Variants in ACBD5 observed in about 807,000 individuals in gnomAD.
ACBD5 encodes acyl-CoA binding domain containing 5.
In ACBD5, 40 loss-of-function variants were observed where a neutral mutation model predicts 71.8. That is an observed-to-expected ratio of 0.56 (90% CI 0.43 to 0.72). The LOEUF (loss-of-function observed/expected upper bound fraction) is 0.72. Among genes scored for constraint, ACBD5 ranks in the 30% least tolerant of loss-of-function variants. The pLI is 0.00. For synonymous variants in ACBD5, 229 were observed against 218.6 expected, an observed-to-expected ratio of 1.05 and a Z score of -0.42; for missense variants, 559 against 644.5, an observed-to-expected ratio of 0.87 and a Z score of 1.44.
chr10:27,211,053 C>A lies in ACBD5; in HGVS notation c.965G>T (p.Gly322Val), dbSNP rs370914625. The A allele has an allele frequency of 3.4e-5, 55 of 1,614,020 alleles. No homozygotes were observed. Among genetic ancestry groups the A allele is most frequent in the Non-Finnish European group, 3.9e-5 (46 of 1,180,050 alleles). Reference sequence around the variant, plus strand: ...ACCACCCAAGTAATACTGAAATGGTCCATTGTTGGACGTAAAGCTGTCTAA... The same window carrying A: ...ACCACCCAAGTAATACTGAAATGGTACATTGTTGGACGTAAAGCTGTCTAA... ...ESLDSFTSNN[G>V]PFQYYLGGHS... Residue 322 changes from glycine (G) to valine (V), a missense_variant, in exon 9 of 13, where the codon GGA (glycine) becomes GTA (valine). Transcript: ENST00000396271.
At chr10:27,205,116 G>T in intron 11 of ACBD5, 82 bp downstream of exon 11, 1 of 1,365,940 alleles carries the variant, frequency 7.3e-7, no homozygotes, top group South Asian at 1.2e-5. Flanking sequence ...AACAGAGCGA[G>T]ACTCCGTATC....
intron 8 of ACBD5, 149 bp from the exon 9 acceptor site, chr10:27,211,230 T>G (rs1210884452): frequency 2.4e-6 from 2 of 834,472 alleles, no homozygotes; most frequent in African/African-American, 3.4e-5. Context: ...ATGTCTTCAA[T>G]TCATATGCTG....
chr10:27,233,300 G>A (rs1031548956), intron 3 of ACBD5, among the ~76,000 whole-genome samples: 5 of 152,144 alleles, frequency 3.3e-5, no homozygotes, highest in South Asian at 2.1e-4. Flanking sequence ...GGTGGCACGC[G>A]CCTGTAATCC....
intron 13 of ACBD5, among the ~76,000 whole-genome samples, chr10:27,189,648 G>A (rs1041499984): frequency 1.3e-5 from 2 of 148,524 alleles, no homozygotes; most frequent in Non-Finnish European, 3.0e-5. Flanking sequence ...GATAGCATTA[G>A]GAGATATACC....
At chr10:27,223,831 G>T (rs1026608208) in intron 4 of ACBD5, among the ~76,000 whole-genome samples, 6 of 152,120 alleles carry the variant, frequency 3.9e-5, no homozygotes, top group Non-Finnish European at 7.4e-5. Flanking sequence ...GATTACATGA[G>T]CCTGGGAGGT....
In ACBD5 at chr10:27,195,548, C is replaced by A. The variant is rs946512281; in HGVS notation, c.*1882G>T. On this transcript the variant is annotated 3_prime_UTR_variant, in exon 13 of 13. Transcript: ENST00000396271. The stretch of plus-strand genomic sequence containing the variant: ...AGAGAAAAGACACTTTTTACTGATA[C>A]CAAATTGATATCTCATTTTTGAAAA... 2.2e-6 allele frequency: 1 copy of A among 451,338 alleles called. No individual in the cohort carries two copies. The highest frequency in any genetic ancestry group is 2.0e-5 in the African/African-American group (1 of 49,806). 28.0% of individuals were successfully genotyped at this position (451,338 alleles called of 1,614,324 possible).
At chr10:27,193,766 C>T (rs2059182279), downstream of ACBD5, among the ~76,000 whole-genome samples, 1 of 152,170 alleles carries the variant, frequency 6.6e-6, no homozygotes, top group Non-Finnish European at 1.5e-5. Flanking sequence ...GCCTGTCTAC[C>T]TAATGGCATT....
intron 13 of ACBD5, chr10:27,186,625 G>T: frequency 8.4e-7 from 1 of 1,185,606 alleles, no homozygotes; most frequent in Admixed American, 1.7e-5. Flanking sequence ...ATCTAAGGGG[G>T]AAAGATCATT....
At chr10:27,187,184 C>T (rs1449165599) in intron 13 of ACBD5, among the ~76,000 whole-genome samples, 1 of 152,086 alleles carries the variant, frequency 6.6e-6, no homozygotes, top group African/African-American at 2.4e-5. Flanking sequence ...CCTGTAGTCC[C>T]AGCTACTCTG....
Position 27,219,989 on chromosome 10 carries a change from T to C in ACBD5, c.491-132A>G, listed in dbSNP as rs551373219. ...AATTAAAATGTTATATATATAATAG[T>C]ATTATTTTCTTTGACTATAAACATA... On this transcript the variant is annotated intron_variant, in intron 5 of 12. Coordinates refer to ENST00000396271, the MANE Select transcript of ACBD5 (RefSeq NM_145698.5). The C allele has an allele frequency of 3.8e-4, 240 of 625,866 alleles. 3 individuals are homozygous for C. The highest frequency in any genetic ancestry group is 1.1e-4 in the Non-Finnish European group (50 of 444,610). 38.8% of individuals were successfully genotyped at this position (625,866 alleles called of 1,614,324 possible).
At chr10:27,230,796 C>CAAAAAAA (rs10625879) in intron 4 of ACBD5, among the ~76,000 whole-genome samples, 1 of 111,982 alleles carries the variant, frequency 8.9e-6, no homozygotes, top group African/African-American at 3.5e-5. Context: ...GACTCCATCT[C>CAAAAAAA]AAAAAAAAAA....
intron 4 of ACBD5, among the ~76,000 whole-genome samples, chr10:27,226,897 A>G (rs942849209): frequency 2.7e-5 from 4 of 149,850 alleles, no homozygotes; most frequent in Non-Finnish European, 3.0e-5. Context: ...CAAGAGATCC[A>G]CCCACCTCGG....
chr10:27,213,573 C>A (rs577093866), intron 8 of ACBD5, among the ~76,000 whole-genome samples: 1 of 152,150 alleles, frequency 6.6e-6, no homozygotes, highest in Non-Finnish European at 1.5e-5. Context: ...GCCTGACCAA[C>A]ATGGAGAAAC....
At chr10:27,214,782 A>AG (rs2061448351) in intron 8 of ACBD5, among the ~76,000 whole-genome samples, 3 of 152,210 alleles carry the variant, frequency 2.0e-5, no homozygotes, top group African/African-American at 7.2e-5. Flanking sequence ...TTGGTGGCTC[A>AG]CACCTGTAAT....
intron 2 of ACBD5, among the ~76,000 whole-genome samples, chr10:27,239,181 G>A (rs2065146163): frequency 6.6e-6 from 1 of 152,160 alleles, no homozygotes; most frequent in Non-Finnish European, 1.5e-5. Context: ...TGGGCAACAA[G>A]AGCGGAACTC....
intron 5 of ACBD5, 24 bp from the exon 6 acceptor site, chr10:27,219,881 C>T (rs2062116117): frequency 1.9e-6 from 3 of 1,611,704 alleles, no homozygotes; most frequent in Non-Finnish European, 2.5e-6. Context: ...TGACCACTTA[C>T]TCACAATGTG....
chr10:27,226,651 T>C (rs1357671246), intron 4 of ACBD5, among the ~76,000 whole-genome samples: 1 of 13,560 alleles, frequency 7.4e-5, no homozygotes, highest in Non-Finnish European at 1.8e-4. Context: ...TTTTTTTAAT[T>C]TTTTTTGTTA....
intron 4 of ACBD5, among the ~76,000 whole-genome samples, chr10:27,228,815 A>ATTTTTTTT (rs1167438554): frequency 4.9e-5 from 1 of 20,368 alleles, no homozygotes; most frequent in Non-Finnish European, 1.3e-4. Flanking sequence ...ATATATATAT[A>ATTTTTTTT]TTTTTTTTTT....
rs758202469 is a variant in ACBD5, at chr10:27,240,535, C to T, written c.16-51G>A. 4 of 1,556,506 alleles carry T rather than the reference C, an allele frequency of 2.6e-6. 1 individual carries two copies. The highest frequency in any genetic ancestry group is 3.3e-4 in the Middle Eastern group (2 of 5,988). ...TCAACATGCCCCAAAAGGAGGAGGC[C>T]CGGGAGCGAAGCGGGTCAGTTCCCC... is the stretch of plus-strand genomic sequence containing the variant. On this transcript the variant is annotated intron_variant, in intron 1 of 12. Transcript: ENST00000396271. The surrounding 1 kb of genome is among the most constrained non-coding windows in gnomAD (Gnocchi z 4.1).
Sources: gnomAD v4.1 joint callset for allele counts (sites outside exome capture counted in the v4.1 genomes callset) on GRCh38, gnomAD v4.1.1 for gene constraint, Gnocchi (gnomAD v3.1) non-coding constraint, MANE v1.5 for transcripts, NCBI Gene and HGNC (gene_info 2026-07-23, HGNC 2026-07-21) for gene names.